RIT2: variants seen among roughly 807,000 people sequenced by gnomAD.
RIT2 encodes the protein GTP-binding protein Rit2.
Under a neutral mutation model 23.7 loss-of-function variants are expected in RIT2, and 24 were observed. That is an observed-to-expected ratio of 1.01 (90% confidence interval 0.73 to 1.43). The LOEUF is 1.43. Ranked by LOEUF, RIT2 falls within the 40% of genes most tolerant of loss-of-function variation. RIT2 has a pLI of 0.00. For synonymous variants in RIT2, 107 were observed against 91.1 expected (o/e 1.17, Z -0.99); for missense variants, 236 against 266.9 (o/e 0.88, Z 0.81).
intron 3 of RIT2, among the ~76,000 whole-genome samples, chr18:42,950,966 G>C (rs116993681): frequency 6.6e-6 from 1 of 151,936 alleles, no homozygotes; most frequent in Non-Finnish European, 1.5e-5. Flanking sequence ...CACCCTACTG[G>C]TGGGAAAGGA....
intron 3 of RIT2, among the ~76,000 whole-genome samples, chr18:42,928,552 G>A (rs1255378039): frequency 6.6e-6 from 1 of 151,890 alleles, no homozygotes; most frequent in East Asian, 1.9e-4. Flanking sequence ...TTGGAGGGTG[G>A]CATAGCACAG....
At chr18:42,884,424 C>T (rs559182560) in intron 4 of RIT2, among the ~76,000 whole-genome samples, 4 of 152,130 alleles carry the variant, frequency 2.6e-5, no homozygotes, top group Non-Finnish European at 4.4e-5. Flanking sequence ...CTAAAATAAG[C>T]GAAATAATCT....
chr18:42,760,827 C>T (rs1472531565), intron 4 of RIT2, among the ~76,000 whole-genome samples: 1 of 152,116 alleles, frequency 6.6e-6, no homozygotes. Context: ...GGCTGGTCTC[C>T]CTGCATGCAT....
At chr18:42,892,021 C>T (rs796935843) in intron 4 of RIT2, among the ~76,000 whole-genome samples, 6 of 151,914 alleles carry the variant, frequency 3.9e-5, no homozygotes, top group African/African-American at 1.4e-4. Flanking sequence ...TCTGTATTTT[C>T]TTTTCAATTT....
chr18:43,003,439 G>C (rs1248781129), intron 2 of RIT2, among the ~76,000 whole-genome samples: 2 of 151,894 alleles, frequency 1.3e-5, no homozygotes, highest in East Asian at 3.9e-4. Flanking sequence ...ACAGTAATCA[G>C]AGTTGATTTG....
intron 1 of RIT2, among the ~76,000 whole-genome samples, chr18:43,107,530 T>G (rs1416626778): frequency 2.6e-5 from 4 of 152,324 alleles, no homozygotes; most frequent in Admixed American, 6.5e-5. Context: ...AATCAGCACC[T>G]AATTTCAAAA....
Position 42,828,965 on chromosome 18 carries a change from T to C in RIT2, c.427-85245A>G, listed in dbSNP as rs59311577. On this transcript the variant is annotated intron_variant, in intron 4 of 4. Transcript: ENST00000326695. The stretch of plus-strand genomic sequence containing the variant: ...GGCACAGGTGCTGCCCTAGACTAGT[T>C]TTCTGACTAGTTTGTGCCCTTTTCT... Among the ~76,000 whole-genome samples the C allele has an allele frequency of 4.6e-3, 701 of 152,122 alleles. 7 individuals carry two copies. The highest frequency in any genetic ancestry group is 0.016 in the African/African-American group (671 of 41,504).
rs145170277 is a variant in RIT2 at position 42,961,520 on chromosome 18, G to A, written c.234+12554C>T. Among the ~76,000 whole-genome samples the A allele has an allele frequency of 1.8e-4, 27 of 152,228 alleles. No homozygotes were observed. In the East Asian group the frequency reaches 4.1e-3, roughly 23 times the overall value. On this transcript the variant is annotated intron_variant, in intron 3 of 4. Transcript: ENST00000326695. The stretch of plus-strand genomic sequence containing the variant: ...ATCCTCTGATAACTGGCTTTCACTC[G>A]TAACCACACATTTCTCTGAACTAGA...
chr18:42,892,893 G>T (rs1399221095), intron 4 of RIT2, among the ~76,000 whole-genome samples: 22 of 152,130 alleles, frequency 1.4e-4, no homozygotes. Flanking sequence ...TAGGTCTACT[G>T]AAGTGAAAGA....
At chr18:42,928,944 C>T (rs1300644509) in intron 3 of RIT2, among the ~76,000 whole-genome samples, 1 of 149,044 alleles carries the variant, frequency 6.7e-6, no homozygotes, top group Non-Finnish European at 1.5e-5. Flanking sequence ...CTAACTCATT[C>T]ATCAAATATT....
chr18:42,771,659 G>A (rs1457541391), intron 4 of RIT2, among the ~76,000 whole-genome samples: 4 of 152,090 alleles, frequency 2.6e-5, no homozygotes, highest in Non-Finnish European at 5.9e-5. Flanking sequence ...TCTTTAGTAA[G>A]GGGAAGAAGT....
chr18:42,831,611 G>A (rs1906460288), intron 4 of RIT2, among the ~76,000 whole-genome samples: 1 of 152,132 alleles, frequency 6.6e-6, no homozygotes, highest in Non-Finnish European at 1.5e-5. Context: ...AACAGGAAAT[G>A]TGACGGAGGG....
intron 4 of RIT2, among the ~76,000 whole-genome samples, chr18:42,792,102 G>C (rs941696103): frequency 3.3e-5 from 5 of 152,138 alleles, no homozygotes; most frequent in African/African-American, 1.2e-4. Context: ...AAGTAGCAAT[G>C]GATAGGGAAA....
At chr18:42,993,010 A>G (rs555113589) in intron 2 of RIT2, among the ~76,000 whole-genome samples, 3 of 152,342 alleles carry the variant, frequency 2.0e-5, no homozygotes, top group East Asian at 3.9e-4. Context: ...AAAGTGTACA[A>G]TAATAGAAAA....
intron 2 of RIT2, among the ~76,000 whole-genome samples, chr18:42,984,793 G>A (rs1910674160): frequency 6.6e-6 from 1 of 151,782 alleles, no homozygotes; most frequent in Admixed American, 6.6e-5. Context: ...CTGATTACTG[G>A]GTGTCTAAAC....
intron 4 of RIT2, among the ~76,000 whole-genome samples, chr18:42,826,063 A>G (rs1906288956): frequency 6.6e-6 from 1 of 152,034 alleles, no homozygotes; most frequent in Non-Finnish European, 1.5e-5. Context: ...ACTTTCCTTT[A>G]ATCGGTTGTG....
chr18:42,833,475 G>A (rs1906516574), intron 4 of RIT2, among the ~76,000 whole-genome samples: 1 of 152,076 alleles, frequency 6.6e-6, no homozygotes, highest in African/African-American at 2.4e-5. Flanking sequence ...TTGATATATT[G>A]AAGATCTTGT....
intron 2 of RIT2, among the ~76,000 whole-genome samples, chr18:42,998,399 T>A (rs1315351758): frequency 6.6e-6 from 1 of 152,166 alleles, no homozygotes; most frequent in Non-Finnish European, 1.5e-5. Flanking sequence ...TTTTGGCTAT[T>A]CTGTTTGTGG....
intron 1 of RIT2, among the ~76,000 whole-genome samples, chr18:43,074,147 G>A (rs977918859): frequency 6.6e-6 from 1 of 152,152 alleles, no homozygotes; most frequent in Non-Finnish European, 1.5e-5. Flanking sequence ...CTATTTAGGA[G>A]CAGCATAAGA....
Sources: allele counts gnomAD v4.1 joint callset (sites outside exome capture counted in the v4.1 genomes callset), GRCh38; gene constraint gnomAD v4.1.1; transcripts MANE v1.5; gene names NCBI Gene and HGNC (gene_info 2026-07-23, HGNC 2026-07-21).